EXOC1: variants seen among roughly 807,000 people sequenced by gnomAD.
EXOC1 encodes exocyst complex component 1.
A neutral mutation model predicts 107.7 loss-of-function variants in EXOC1; 67 were observed. The ratio of observed to expected loss-of-function variants is 0.62; its 90% confidence interval spans 0.51 to 0.76. The LOEUF (loss-of-function observed/expected upper bound fraction) is 0.76, where lower values mean the gene tolerates loss of function less well. Ranked by LOEUF, EXOC1 falls within the 30% of genes least tolerant of loss-of-function variation. The probability of loss-of-function intolerance (pLI) is 0.00; values close to 1 mark genes in which losing one functional copy is unlikely to be tolerated. For synonymous variants in EXOC1, 348 were observed against 353.5 expected (o/e 0.98, Z 0.17); for missense variants, 833 against 1,055.7 (o/e 0.79, Z 2.92).
chr4:55,897,862 C>T (rs1235841330), intron 16 of EXOC1, among the ~76,000 whole-genome samples: 4 of 152,304 alleles, frequency 2.6e-5, no homozygotes, highest in South Asian at 2.1e-4. Flanking sequence ...GTGATCTGCC[C>T]GCCTTGGCCT....
At chr4:55,879,885 G>T (rs1343975852) in intron 9 of EXOC1, among the ~76,000 whole-genome samples, 1 of 152,070 alleles carries the variant, frequency 6.6e-6, no homozygotes, top group African/African-American at 2.4e-5. Context: ...TGCATAAGCT[G>T]TGTTAATAAT....
intron 8 of EXOC1, among the ~76,000 whole-genome samples, chr4:55,874,139 G>C (rs1722682919): frequency 6.6e-6 from 1 of 152,060 alleles, no homozygotes; most frequent in Admixed American, 6.6e-5. Flanking sequence ...TGCAGATAAG[G>C]TAGGACTTGA....
At chr4:55,877,104 GAA>G in intron 8 of EXOC1, 1 of 977,104 alleles carries the variant, frequency 1.0e-6, no homozygotes, top group Non-Finnish European at 1.2e-6. Flanking sequence ...TTAGGTGAAA[GAA>G]ATCCCTTTTA....
Position 55,868,624 on chromosome 4 carries a change from T to G in EXOC1, c.603+101T>G, listed in dbSNP as rs545994031. 5.0e-6 allele frequency: 5 copies of G among 992,672 alleles called. 1 individual carries two copies. In the South Asian group the frequency reaches 1.1e-4, roughly 22 times the overall value. 61.5% of individuals were successfully genotyped at this position (992,672 alleles called of 1,614,324 possible). On this transcript the variant is annotated intron_variant, in intron 5 of 18. Coordinates refer to ENST00000381295, the MANE Select transcript of EXOC1 (RefSeq NM_001024924.2). The stretch of plus-strand genomic sequence containing the variant: ...CCTCAGCACTTAAGCCTTTATAGTG[T>G]GTTATTGCCATCTTTATCTATAAGC...
intron 9 of EXOC1, among the ~76,000 whole-genome samples, chr4:55,881,077 T>C (rs1723336986): frequency 1.3e-5 from 2 of 152,204 alleles, no homozygotes; most frequent in African/African-American, 4.8e-5. Flanking sequence ...GAAAAACTTG[T>C]TCAAAATTCT....
chr4:55,891,900 A>G (rs779831377), intron 13 of EXOC1, among the ~76,000 whole-genome samples: 10 of 152,190 alleles, frequency 6.6e-5, no homozygotes, highest in African/African-American at 2.4e-4. Context: ...TAAGCCAGTT[A>G]TTCGATCCCC....
At chr4:55,901,978 A>C (rs1052979537) in intron 17 of EXOC1, 1 of 154,590 alleles carries the variant, frequency 6.5e-6, no homozygotes, top group African/African-American at 2.4e-5. Flanking sequence ...CCAAAAAAAG[A>C]AGGGGGAGTG....
intron 17 of EXOC1, among the ~76,000 whole-genome samples, chr4:55,901,136 C>T (rs933952585): frequency 5.3e-5 from 8 of 152,084 alleles, no homozygotes; most frequent in Non-Finnish European, 1.2e-4. Context: ...TGTTGAAGCA[C>T]TAGCCAGTTC....
At chr4:55,863,271 C>G (rs1308809409) in intron 3 of EXOC1, among the ~76,000 whole-genome samples, 2 of 152,048 alleles carry the variant, frequency 1.3e-5, no homozygotes, top group African/African-American at 2.4e-5. Flanking sequence ...TGGATTATTG[C>G]TATAATGTGG....
intron 8 of EXOC1, chr4:55,876,271 T>G: frequency 1.0e-6 from 1 of 985,460 alleles, no homozygotes; most frequent in Non-Finnish European, 1.2e-6. Flanking sequence ...GATGTGATTG[T>G]TTTATATTCA....
At chr4:55,865,679 A>G (rs2110324705) in intron 4 of EXOC1, among the ~76,000 whole-genome samples, 1 of 152,212 alleles carries the variant, frequency 6.6e-6, no homozygotes, top group East Asian at 1.9e-4. Context: ...TCCAGATGTT[A>G]TTTATTGTGT....
chr4:55,868,307 A>G (rs199912958), intron 4 of EXOC1, 29 bp from the exon 5 acceptor site: 6 of 1,576,492 alleles, frequency 3.8e-6, no homozygotes, highest in East Asian at 2.3e-5. Context: ...TTTTTTGACT[A>G]TTTTACTTTG....
In EXOC1 at chr4:55,871,774, C is replaced by T. The variant is rs148786096; in HGVS notation, c.965-75C>T. The T allele has an allele frequency of 4.1e-3, 5,391 of 1,307,026 alleles. 18 individuals are homozygous for T. The highest frequency in any genetic ancestry group is 4.6e-3 in the Non-Finnish European group (4,231 of 921,230). The allele number at this position is 1,307,026 out of a possible 1,614,324, so 81.0% of individuals were successfully genotyped here. A position where few individuals can be genotyped will look rare whatever the true frequency, so the allele number is the denominator to read the frequency against. On this transcript the variant is annotated intron_variant, in intron 7 of 18. Transcript: ENST00000381295. ...TTTGGGTTCTTCAAAACGTTAGATA[C>T]GTTTAATGTTCCATTAAACATCAAG...
At chr4:55,894,614 C>CTTTTTTTTTTTTTTTTTT (rs772700227) in intron 15 of EXOC1, among the ~76,000 whole-genome samples, 5 of 76,116 alleles carry the variant, frequency 6.6e-5, no homozygotes, top group Non-Finnish European at 9.2e-5. Context: ...CTATCTGTTA[C>CTTTTTTTTTTTTTTTTTT]TTTTTTTTTT....
At chr4:55,885,496 G>T (rs932708039) in intron 10 of EXOC1, 1 of 152,088 alleles carries the variant, frequency 6.6e-6, no homozygotes, top group East Asian at 1.9e-4. Context: ...TAGTTTTGTA[G>T]TTTTATAAGT....
At position 55,901,245 on chromosome 4, in the gene EXOC1, CAAAATT is replaced by C. The variant is rs1472439863; in HGVS notation, c.2338-1098_2338-1093del. ...GAAATTACTGGTGTTGGTCAAGTGA[CAAAATT>C]TAAAGCAAATATACTGAAAAACAAT... On this transcript the variant is annotated intron_variant, in intron 17 of 18. Coordinates refer to ENST00000381295, the MANE Select transcript of EXOC1 (RefSeq NM_001024924.2). Among the ~76,000 whole-genome samples, 8 of 152,210 alleles carry C rather than the reference CAAAATT, an allele frequency of 5.3e-5. 1 individual carries two copies. Among genetic ancestry groups the C allele is most frequent in the African/African-American group, 1.9e-4 (8 of 41,556 alleles).
In EXOC1 at chr4:55,883,896, T is replaced by A; in HGVS notation, c.1298T>A (p.Met433Lys). 6.2e-7 allele frequency: 1 copy of A among 1,607,662 alleles called. No homozygotes were observed. Among genetic ancestry groups the A allele is most frequent in the Non-Finnish European group, 8.5e-7 (1 of 1,177,880 alleles). The change falls in exon 10 of 19, where the codon ATG becomes AAG. Residue 433 changes from methionine to lysine, a missense_variant. Coordinates refer to ENST00000381295, the MANE Select transcript of EXOC1 (RefSeq NM_001024924.2). ...KDFFEVAKIK[M>K]TGTTKESKKF... ...TTCTTTGAAGTTGCAAAGATCAAGA[T>A]GACTGGCACAACTAAAGAAAGCAAG...
chr4:55,860,243 G>C (rs1256651272), intron 2 of EXOC1, among the ~76,000 whole-genome samples, 168 bp from the exon 3 acceptor site: 1 of 152,080 alleles, frequency 6.6e-6, no homozygotes, highest in Non-Finnish European at 1.5e-5. Flanking sequence ...TGACTTAGAT[G>C]CTTCTATTAG....
chr4:55,868,464 A>G lies in EXOC1; in HGVS notation c.544A>G (p.Ile182Val), dbSNP rs1456972140. The change falls in exon 5 of 19, where the codon ATC becomes GTC. Residue 182 changes from isoleucine to valine, a missense_variant. Around this residue, in one of 2 missense-constraint regions of EXOC1, gnomAD observed 617 missense variants for 701.3 expected, o/e 0.88. Coordinates refer to ENST00000381295, the MANE Select transcript of EXOC1 (RefSeq NM_001024924.2). Reference sequence around the variant, plus strand: ...AATGATGGAAGGCTGTGAATATGCAATCTCGAATGCGGAAGCCTTTGCAGA... The same window carrying G: ...AATGATGGAAGGCTGTGAATATGCAGTCTCGAATGCGGAAGCCTTTGCAGA... ...EIMMEGCEYA[I>V]SNAEAFAEKL... is the part of the protein sequence containing the mutation. 2 of 1,613,910 alleles carry G rather than the reference A, an allele frequency of 1.2e-6. No homozygotes were observed. The highest frequency in any genetic ancestry group is 1.7e-6 in the Non-Finnish European group (2 of 1,179,846).
Sources: allele counts gnomAD v4.1 joint callset (sites outside exome capture counted in the v4.1 genomes callset), GRCh38; gene constraint gnomAD v4.1.1; regional missense constraint gnomAD v4.1.1; transcripts MANE v1.5; gene names NCBI Gene and HGNC (gene_info 2026-07-23, HGNC 2026-07-21).